GRM1: variants seen among roughly 807,000 people sequenced by gnomAD.
GRM1 encodes the protein metabotropic glutamate receptor 1.
In GRM1, 33 loss-of-function variants were observed where a neutral mutation model predicts 90.9. The observed-to-expected ratio is 0.36, with a 90% CI of 0.28 to 0.49. The LOEUF is 0.49. Among genes scored for constraint, GRM1 ranks in the 20% least tolerant of loss-of-function variants. The pLI, the probability that GRM1 is intolerant of heterozygous loss-of-function variation, is 0.99. For synonymous variants in GRM1, 700 were observed against 613.2 expected (o/e 1.14, Z -2.09); for missense variants, 1,190 against 1,534.3 (o/e 0.78, Z 3.75).
At chr6:146,048,416 C>T (rs1298526983) in intron 1 of GRM1, among the ~76,000 whole-genome samples, 4 of 151,966 alleles carry the variant, frequency 2.6e-5, no homozygotes, top group South Asian at 2.1e-4. Flanking sequence ...TTTTCCTTTG[C>T]GTTTTTGAGT....
At chr6:146,100,697 T>G (rs2128870346) in intron 1 of GRM1, among the ~76,000 whole-genome samples, 1 of 152,370 alleles carries the variant, frequency 6.6e-6, no homozygotes, top group East Asian at 1.9e-4. Context: ...CTTATTTTTC[T>G]TGGTTAACTT....
rs140111666 is a variant in GRM1 at position 146,186,647 on chromosome 6, C to T, written c.950+27050C>T. ...TTAACTGATAACAGTTTCTTCCCTACGTACTGCTTAATTGCAAAGCCACAG... is the reference window on the plus strand; with the variant it reads ...TTAACTGATAACAGTTTCTTCCCTATGTACTGCTTAATTGCAAAGCCACAG... On this transcript the variant is annotated intron_variant, in intron 2 of 7. Transcript: ENST00000282753. Among the ~76,000 whole-genome samples, 150 of 152,294 alleles carry T rather than the reference C, an allele frequency of 9.8e-4. 1 individual carries two copies. Among genetic ancestry groups the T allele is most frequent in the African/African-American group, 3.2e-3 (135 of 41,556 alleles).
chr6:146,218,955 C>T (rs1779964634), intron 2 of GRM1, among the ~76,000 whole-genome samples: 1 of 152,150 alleles, frequency 6.6e-6, no homozygotes. Context: ...TGTGGAGTCA[C>T]CTACCCACGG....
At chr6:146,037,257 A>G (rs1408234452) in intron 1 of GRM1, among the ~76,000 whole-genome samples, 2 of 151,978 alleles carry the variant, frequency 1.3e-5, no homozygotes, top group Non-Finnish European at 2.9e-5. Flanking sequence ...TTGGATACAG[A>G]TTTTCGACCC....
intron 1 of GRM1, among the ~76,000 whole-genome samples, chr6:146,071,378 T>C (rs1268733652): frequency 6.6e-6 from 1 of 152,166 alleles, no homozygotes; most frequent in Non-Finnish European, 1.5e-5. Flanking sequence ...GAAGAAGAAA[T>C]TCCAGATAGA....
rs57974513 is a variant in GRM1 at position 146,399,751 on chromosome 6, TTCTCTCTCTC to T, written c.2660+66_2660+75del. ...CTTTTCTCTTCCTTTCTCTGTCTCT[TTCTCTCTCTC>T]TCTCTCTCTCTCTTTCTCTGTCTCT... On this transcript the variant is annotated intron_variant, in intron 7 of 7. Transcript: ENST00000282753. The surrounding 1 kb of genome is among the most constrained non-coding windows in gnomAD (Gnocchi z 5.4). The T allele has an allele frequency of 8.5e-6, 9 of 1,063,444 alleles. No homozygotes were observed. The highest frequency in any genetic ancestry group is 2.7e-5 in the South Asian group (2 of 73,376). The allele number at this position is 1,063,444 out of a possible 1,614,324, so 65.9% of individuals were successfully genotyped here. A position where few individuals can be genotyped will look rare whatever the true frequency, so the allele number is the denominator to read the frequency against.
At chr6:146,235,285 G>T (rs1780598448) in intron 2 of GRM1, among the ~76,000 whole-genome samples, 1 of 151,960 alleles carries the variant, frequency 6.6e-6, no homozygotes, top group Non-Finnish European at 1.5e-5. Context: ...TGATAAAAAT[G>T]TTTTTGTTAT....
intron 2 of GRM1, among the ~76,000 whole-genome samples, chr6:146,176,769 A>C (rs1372533679): frequency 6.6e-6 from 1 of 152,086 alleles, no homozygotes; most frequent in African/African-American, 2.4e-5. Context: ...TAACGAGGTT[A>C]CTTCTCTAAA....
At chr6:146,045,158 T>C (rs1791279152) in intron 1 of GRM1, among the ~76,000 whole-genome samples, 1 of 152,016 alleles carries the variant, frequency 6.6e-6, no homozygotes, top group African/African-American at 2.4e-5. Flanking sequence ...AAGAGAAATG[T>C]TGTTTGATTC....
chr6:146,405,606 C>T (rs1777317037), intron 7 of GRM1, among the ~76,000 whole-genome samples: 1 of 152,180 alleles, frequency 6.6e-6, no homozygotes, highest in South Asian at 2.1e-4. Flanking sequence ...CAGACAGCCA[C>T]CATCTTGCTG....
Position 146,385,213 on chromosome 6 carries a change from TA to T in GRM1, c.1603-1671del, listed in dbSNP as rs1348208338. On this transcript the variant is annotated intron_variant, in intron 5 of 7. Transcript: ENST00000282753. ...CAATTAAGTTGCTAAAAACCAGTGA[TA>T]AAAAATTAATATCCAAAATAAGAAA... 1.1e-4 allele frequency among the ~76,000 whole-genome samples: 17 copies of T among 152,044 alleles called. No homozygotes were observed. The East Asian group carries it at 2.9e-3, about 26-fold the overall frequency.
chr6:146,127,923 G>C (rs1452058525), intron 1 of GRM1, among the ~76,000 whole-genome samples: 1 of 152,136 alleles, frequency 6.6e-6, no homozygotes, highest in Non-Finnish European at 1.5e-5. Flanking sequence ...GTTAGCTGGG[G>C]TGGCTCAAAG....
At chr6:146,040,705 T>C (rs1470428984) in intron 1 of GRM1, among the ~76,000 whole-genome samples, 1 of 151,994 alleles carries the variant, frequency 6.6e-6, no homozygotes, top group African/African-American at 2.4e-5. Context: ...AGTTTCATTA[T>C]TATATGCCTT....
intron 2 of GRM1, among the ~76,000 whole-genome samples, chr6:146,277,559 C>A (rs865863889): frequency 6.6e-5 from 10 of 152,182 alleles, no homozygotes; most frequent in South Asian, 2.1e-4. Context: ...CAGACTTTGG[C>A]AAATGTTTTT....
intron 2 of GRM1, among the ~76,000 whole-genome samples, chr6:146,235,485 C>A (rs1202497300): frequency 6.6e-6 from 1 of 151,964 alleles, no homozygotes; most frequent in Non-Finnish European, 1.5e-5. Context: ...CCTCAAATTT[C>A]ATTTGTTACT....
intron 2 of GRM1, among the ~76,000 whole-genome samples, chr6:146,303,528 T>A (rs1349575110): frequency 6.6e-6 from 1 of 152,138 alleles, no homozygotes; most frequent in Non-Finnish European, 1.5e-5. Context: ...CCAAGGAAGT[T>A]TTACTGAATG....
chr6:146,151,364 G>A (rs1777328866), intron 1 of GRM1, among the ~76,000 whole-genome samples: 2 of 152,182 alleles, frequency 1.3e-5, no homozygotes, highest in African/African-American at 4.8e-5. Context: ...ACAGTTGTTT[G>A]ACCAAGAAAG....
chr6:146,171,962 G>A (rs1327136447), intron 2 of GRM1: 3 of 169,044 alleles, frequency 1.8e-5, no homozygotes, highest in African/African-American at 7.2e-5. Context: ...TCCCTGCTGT[G>A]GCAAATCCAA....
intron 2 of GRM1, among the ~76,000 whole-genome samples, chr6:146,230,721 T>A (rs893624685): frequency 6.6e-6 from 1 of 152,208 alleles, no homozygotes; most frequent in Non-Finnish European, 1.5e-5. Context: ...TATGGAAGTT[T>A]ATAGCAGCTT....
Sources: allele counts gnomAD v4.1 joint callset (sites outside exome capture counted in the v4.1 genomes callset), GRCh38; gene constraint gnomAD v4.1.1; non-coding constraint Gnocchi (gnomAD v3.1); transcripts MANE v1.5; gene names NCBI Gene and HGNC (gene_info 2026-07-23, HGNC 2026-07-21).